The following RUNX1 variants were observed in gnomAD, a reference collection of about 807,000 sequenced individuals.
RUNX1 encodes runt-related transcription factor 1.
In RUNX1, 19 loss-of-function variants were observed where a neutral mutation model predicts 42.8. That is an observed-to-expected ratio of 0.44 (90% CI 0.31 to 0.65). The LOEUF (loss-of-function observed/expected upper bound fraction) is 0.65. Ranked by LOEUF, RUNX1 falls within the 30% of genes least tolerant of loss-of-function variation. The pLI, the probability that RUNX1 is intolerant of heterozygous loss-of-function variation, is 0.07. For missense variants in RUNX1, 528 were observed against 672.0 expected (o/e 0.79, Z 2.37); for synonymous variants, 271 against 289.4 (o/e 0.94, Z 0.64).
At chr21:34,890,027 C>G (rs1435775398) in intron 3 of RUNX1, among the ~76,000 whole-genome samples, 1 of 152,248 alleles carries the variant, frequency 6.6e-6, no homozygotes, top group Non-Finnish European at 1.5e-5. Context: ...GCCCCTGACG[C>G]CCGCTCCTCC....
chr21:34,792,303 C>CGGGGGG lies in RUNX1; in HGVS notation c.1274_1275insCCCCCC (p.Pro425_Pro426dup). The CGGGGGG allele has an allele frequency of 3.6e-5, 56 of 1,535,794 alleles. No individual in the cohort carries two copies. The highest frequency in any genetic ancestry group is 1.7e-4 in the Middle Eastern group (1 of 5,868). ...TGGTGCAGGGCGGCAGGATGCGCGG[C>CGGGGGG]GGCGAGCGCTCGCCGCCCACCATGG... On this transcript the variant is annotated inframe_insertion, in exon 9 of 9. Coordinates refer to ENST00000675419, the MANE Select transcript of RUNX1 (RefSeq NM_001754.5). This position sits in a 1 kb window ranked among gnomAD's most constrained non-coding sequence, Gnocchi z 6.9.
At position 34,942,892 on chromosome 21, in the gene RUNX1, GAA is replaced by G. The variant is rs1252928460; in HGVS notation, c.59-49931_59-49930del. ...CTTAGAGCCTTGGGTCAGGTTGAAG[GAA>G]AGTTTCCCTCTTTCTCCCCGGACCA... On this transcript the variant is annotated intron_variant, in intron 2 of 8. Transcript: ENST00000675419. Among the ~76,000 whole-genome samples the G allele has an allele frequency of 2.0e-5, 3 of 152,328 alleles. No homozygotes were observed. The East Asian group carries it at 5.8e-4, about 29-fold the overall frequency.
At chr21:34,889,263 G>A (rs1284227882) in intron 3 of RUNX1, among the ~76,000 whole-genome samples, 1 of 152,098 alleles carries the variant, frequency 6.6e-6, no homozygotes, top group Non-Finnish European at 1.5e-5. Flanking sequence ...GCCACTCCGC[G>A]CTCCTGCACC....
chr21:34,918,052 C>T lies in RUNX1; in HGVS notation c.59-25089G>A, dbSNP rs144245791. On this transcript the variant is annotated intron_variant, in intron 2 of 8. Transcript: ENST00000675419. ...GCTAAGGCAGATAATTGATTGAATCCGGGAGGCGGAGATTGCAGTGAGCTG... is the reference window on the plus strand; with the variant it reads ...GCTAAGGCAGATAATTGATTGAATCTGGGAGGCGGAGATTGCAGTGAGCTG... Among the ~76,000 whole-genome samples, 678 of 141,164 alleles carry T rather than the reference C, an allele frequency of 4.8e-3. 4 individuals are homozygous for T. The highest frequency in any genetic ancestry group is 0.017 in the African/African-American group (643 of 37,784). 92.6% of individuals were successfully genotyped at this position (141,164 alleles called of 152,430 possible).
At chr21:34,967,733 T>C (rs1401473926) in intron 2 of RUNX1, among the ~76,000 whole-genome samples, 1 of 152,116 alleles carries the variant, frequency 6.6e-6, no homozygotes, top group African/African-American at 2.4e-5. Flanking sequence ...CCTAGCAGGG[T>C]CTCAAATGTT....
intron 8 of RUNX1, chr21:34,798,231 G>A (rs1282398544): frequency 2.3e-6 from 1 of 431,514 alleles, no homozygotes. Flanking sequence ...ACACATGCGA[G>A]TGTGTTTGCA....
chr21:34,871,528 A>G (rs2057737422), intron 5 of RUNX1, among the ~76,000 whole-genome samples: 1 of 152,180 alleles, frequency 6.6e-6, no homozygotes, highest in Non-Finnish European at 1.5e-5. Context: ...CTCTACCTTG[A>G]TGCACTGGGA....
intron 7 of RUNX1, among the ~76,000 whole-genome samples, chr21:34,827,883 G>A (rs2057011030): frequency 2.0e-5 from 3 of 152,190 alleles, no homozygotes; most frequent in African/African-American, 2.4e-5. Context: ...AGAAGCTCAG[G>A]CCAAGACCTA....
At chr21:35,043,199 C>T (rs189824355) in intron 2 of RUNX1, among the ~76,000 whole-genome samples, 59 of 152,282 alleles carry the variant, frequency 3.9e-4, no homozygotes, top group African/African-American at 1.4e-3. Context: ...AAAGGAAATG[C>T]TCCCTTTTTA....
chr21:34,982,491 A>G (rs1283818768), intron 2 of RUNX1, among the ~76,000 whole-genome samples: 1 of 136,200 alleles, frequency 7.3e-6, no homozygotes, highest in Non-Finnish European at 1.6e-5. Flanking sequence ...CTCTCCTCTT[A>G]GCATACCTAG....
intron 7 of RUNX1, among the ~76,000 whole-genome samples, chr21:34,827,580 C>T (rs1380492281): frequency 6.6e-6 from 1 of 152,124 alleles, no homozygotes; most frequent in African/African-American, 2.4e-5. Context: ...CATCATAGGC[C>T]CAGAGCTCTA....
At position 34,789,584 on chromosome 21, in the gene RUNX1, TCA is replaced by T. The variant is rs371955155; in HGVS notation, c.*2549_*2550del. On this transcript the variant is annotated 3_prime_UTR_variant, in exon 9 of 9. Coordinates refer to ENST00000675419, the MANE Select transcript of RUNX1 (RefSeq NM_001754.5). ...ACCTGAAGTCAATGAATGCAATTTTTCACACACACACACACACACGCACACAC... is the reference window on the plus strand; with the variant it reads ...ACCTGAAGTCAATGAATGCAATTTTTCACACACACACACACACGCACACAC... The T allele has an allele frequency of 7.9e-4, 170 of 214,206 alleles. No individual in the cohort carries two copies. The highest frequency in any genetic ancestry group is 1.4e-3 in the Middle Eastern group (1 of 712). The allele number at this position is 214,206 out of a possible 1,614,324, so 13.3% of individuals were successfully genotyped here. A position where few individuals can be genotyped will look rare whatever the true frequency, so the allele number is the denominator to read the frequency against.
At chr21:34,896,916 T>C (rs1405046038) in intron 2 of RUNX1, among the ~76,000 whole-genome samples, 1 of 151,800 alleles carries the variant, frequency 6.6e-6, no homozygotes, top group East Asian at 1.9e-4. Flanking sequence ...AGAATGAAAT[T>C]TGTTGGAGGA....
chr21:35,042,715 A>G (rs1309040492), intron 2 of RUNX1, among the ~76,000 whole-genome samples: 1 of 152,082 alleles, frequency 6.6e-6, no homozygotes, highest in Non-Finnish European at 1.5e-5. Flanking sequence ...GGACCAAAAC[A>G]TAGGAGTGTC....
rs967653819 is a variant in RUNX1 at position 35,004,528 on chromosome 21, T to C, written c.58+44314A>G. Among the ~76,000 whole-genome samples, 3 of 152,204 alleles carry C rather than the reference T, an allele frequency of 2.0e-5. No homozygotes were observed. The East Asian group carries it at 5.8e-4, about 29-fold the overall frequency. Reference sequence around the variant, plus strand: ...TCAGGACCTAGCTGAGGGCGTGTCTTGAGTAAAGTCACAGATAAAGCTTAC... The same window carrying C: ...TCAGGACCTAGCTGAGGGCGTGTCTCGAGTAAAGTCACAGATAAAGCTTAC... On this transcript the variant is annotated intron_variant, in intron 2 of 8. Coordinates refer to ENST00000675419, the MANE Select transcript of RUNX1 (RefSeq NM_001754.5).
chr21:34,935,959 T>C (rs954601928), intron 2 of RUNX1, among the ~76,000 whole-genome samples: 1 of 152,176 alleles, frequency 6.6e-6, no homozygotes, highest in Non-Finnish European at 1.5e-5. Flanking sequence ...CAACAGTACA[T>C]CTGCCAATGT....
chr21:34,992,674 TA>T (rs71196923), intron 2 of RUNX1, among the ~76,000 whole-genome samples: 51,143 of 129,392 alleles, frequency 0.4, 9,006 homozygotes, highest in South Asian at 0.46. Flanking sequence ...ATTACAAATA[TA>T]AAAAAAAAAA....
intron 2 of RUNX1, among the ~76,000 whole-genome samples, chr21:34,980,067 T>A (rs375086441): frequency 7.2e-5 from 11 of 152,214 alleles, no homozygotes; most frequent in Non-Finnish European, 1.6e-4. Flanking sequence ...TCAATATACA[T>A]AAAGCGCTTA....
chr21:34,899,858 G>A (rs1239276694), intron 2 of RUNX1, among the ~76,000 whole-genome samples: 1 of 152,284 alleles, frequency 6.6e-6, no homozygotes, highest in Middle Eastern at 3.4e-3. Flanking sequence ...TAAACCATTA[G>A]GACAGGCTGA....
Sources: gnomAD v4.1 joint callset for allele counts (sites outside exome capture counted in the v4.1 genomes callset) on GRCh38, gnomAD v4.1.1 for gene constraint, Gnocchi (gnomAD v3.1) non-coding constraint, MANE v1.5 for transcripts, NCBI Gene and HGNC (gene_info 2026-07-23, HGNC 2026-07-21) for gene names.